The following VIT variants were observed in gnomAD, a reference collection of about 807,000 sequenced individuals.
VIT encodes the protein vitrin.
Under a neutral mutation model 78.0 loss-of-function variants are expected in VIT, and 99 were observed. That is an observed-to-expected ratio of 1.27 (90% CI 1.08 to 1.50). The LOEUF is 1.50. VIT is among the 40% of genes most tolerant of loss of function. The pLI is 0.00. For synonymous variants in VIT, 374 were observed against 334.3 expected (o/e 1.12, Z -1.29); for missense variants, 1,126 against 875.3 (o/e 1.29, Z -3.61).
intron 3 of VIT, among the ~76,000 whole-genome samples, chr2:36,737,450 C>T (rs950985972): frequency 6.6e-6 from 1 of 152,160 alleles, no homozygotes; most frequent in Non-Finnish European, 1.5e-5. Context: ...GAGATAAACA[C>T]GATATTCTCC....
intron 12 of VIT, among the ~76,000 whole-genome samples, chr2:36,801,024 C>T (rs375552393): frequency 4.6e-5 from 7 of 152,154 alleles, no homozygotes; most frequent in South Asian, 2.1e-4. Context: ...GGTGTTATAA[C>T]GATGTTTTCA....
intron 12 of VIT, among the ~76,000 whole-genome samples, chr2:36,800,372 A>G (rs371743688): frequency 6.6e-6 from 1 of 152,286 alleles, no homozygotes. Context: ...AAAAGAAAAC[A>G]GTAACCTCTA....
intron 13 of VIT, among the ~76,000 whole-genome samples, chr2:36,801,799 G>C (rs143246714): frequency 7.3e-5 from 11 of 149,662 alleles, no homozygotes; most frequent in African/African-American, 2.5e-4. Flanking sequence ...AAAGGACAAA[G>C]AAATTACTCC....
rs776695801 is a variant in VIT at position 36,787,138 on chromosome 2, T to C, written c.920T>C (p.Ile307Thr). The change falls in exon 12 of 16, where the codon ATT becomes ACT. Residue 307 changes from isoleucine to threonine, a missense_variant. By Grantham distance (89) the Ile-to-Thr change is moderately conservative. Coordinates refer to ENST00000379242, the MANE Select transcript of VIT (RefSeq NM_053276.4). Reference sequence around the variant, plus strand: ...TTTTTCCGTTCCGCAGACTGCAAAATTGACTTGTCGTTTTTAATTGATGGG... The same window carrying C: ...TTTTTCCGTTCCGCAGACTGCAAAACTGACTTGTCGTTTTTAATTGATGGG... Reference protein sequence around the residue: ...PVSLGDPNCKIDLSFLIDGST... With the variant: ...PVSLGDPNCKTDLSFLIDGST... 8.7e-6 allele frequency: 14 copies of C among 1,614,078 alleles called. No individual in the cohort carries two copies. Among genetic ancestry groups the C allele is most frequent in the East Asian group, 6.7e-5 (3 of 44,902 alleles).
intron 15 of VIT, among the ~76,000 whole-genome samples, chr2:36,810,158 G>T (rs1667050772): frequency 6.6e-6 from 1 of 152,156 alleles, no homozygotes; most frequent in African/African-American, 2.4e-5. Flanking sequence ...AGGCAAGGAG[G>T]CACACGCCTG....
At chr2:36,703,004 C>G (rs1443494616) in intron 1 of VIT, among the ~76,000 whole-genome samples, 3 of 152,202 alleles carry the variant, frequency 2.0e-5, no homozygotes, top group Non-Finnish European at 4.4e-5. Flanking sequence ...CAGGCTGACT[C>G]TGTCACACAG....
chr2:36,750,318 C>A (rs939685036), intron 4 of VIT, among the ~76,000 whole-genome samples: 3 of 152,234 alleles, frequency 2.0e-5, no homozygotes, highest in Admixed American at 1.3e-4. Flanking sequence ...CAGTCTGTGT[C>A]TTTGTACACA....
chr2:36,738,737 G>C (rs1667656997), intron 3 of VIT, among the ~76,000 whole-genome samples: 1 of 152,232 alleles, frequency 6.6e-6, no homozygotes, highest in Non-Finnish European at 1.5e-5. Flanking sequence ...TTCAAGCTAA[G>C]TGTGCGAGAC....
At position 36,805,603 on chromosome 2, in the gene VIT, C is replaced by G. The variant is rs1454017604; in HGVS notation, c.1328C>G (p.Thr443Ser). 2 of 1,614,016 alleles carry G rather than the reference C, an allele frequency of 1.2e-6. No individual in the cohort carries two copies. The highest frequency in any genetic ancestry group is 2.7e-5 in the African/African-American group (2 of 74,908). Residue 443 changes from threonine (T) to serine (S), a missense_variant, in exon 14 of 16, where the codon ACC becomes AGC. Coordinates refer to ENST00000379242, the MANE Select transcript of VIT (RefSeq NM_053276.4). ...RESGINIFFI[T>S]IEGAAENEKQ... ...TCAGGAATCAACATTTTCTTCATCA[C>G]CATTGAAGGTGCTGCTGAAAATGAG...
intron 4 of VIT, among the ~76,000 whole-genome samples, chr2:36,744,997 T>C (rs2148521608): frequency 6.6e-6 from 1 of 152,130 alleles, no homozygotes; most frequent in South Asian, 2.1e-4. Context: ...TTTGTATATG[T>C]TGATAGGGAG....
intron 1 of VIT, among the ~76,000 whole-genome samples, chr2:36,711,405 A>G (rs1484652872): frequency 6.6e-6 from 1 of 152,212 alleles, no homozygotes; most frequent in East Asian, 1.9e-4. Context: ...TCTTAACAAG[A>G]TGCAACCTGC....
Position 36,756,906 on chromosome 2 carries a change from T to C in VIT, c.409+1852T>C, listed in dbSNP as rs553062390. Among the ~76,000 whole-genome samples, 15 of 152,368 alleles carry C rather than the reference T, an allele frequency of 9.8e-5. No homozygotes were observed. In the East Asian group the frequency reaches 2.7e-3, roughly 27 times the overall value. ...AGGTTTAAAAGAAAAATTAATTCTA[T>C]GGCAGTAGAGATGTTTTGGGCTTTT... On this transcript the variant is annotated intron_variant, in intron 5 of 15. Transcript: ENST00000379242.
chr2:36,797,426 G>A (rs1312190305), intron 12 of VIT, among the ~76,000 whole-genome samples: 1 of 152,192 alleles, frequency 6.6e-6, no homozygotes, highest in African/African-American at 2.4e-5. Context: ...AGAAATGTGA[G>A]AGATATTTAG....
intron 15 of VIT, among the ~76,000 whole-genome samples, chr2:36,811,569 C>T (rs1023633539): frequency 1.3e-5 from 2 of 152,170 alleles, no homozygotes; most frequent in African/African-American, 4.8e-5. Context: ...CAAGTCAAGG[C>T]TGGGTGACCA....
At chr2:36,764,820 T>C (rs1189262601) in intron 6 of VIT, among the ~76,000 whole-genome samples, 1 of 152,062 alleles carries the variant, frequency 6.6e-6, no homozygotes, top group African/African-American at 2.4e-5. Context: ...ACACATTTGT[T>C]TGCATCACTT....
chr2:36,796,175 G>A (rs1317679062), intron 12 of VIT, among the ~76,000 whole-genome samples: 2 of 151,112 alleles, frequency 1.3e-5, no homozygotes, highest in Non-Finnish European at 2.9e-5. Context: ...AGAAATTTAT[G>A]GTCATGTTAT....
At chr2:36,781,109 T>A (rs142712803) in intron 9 of VIT, among the ~76,000 whole-genome samples, 1 of 152,280 alleles carries the variant, frequency 6.6e-6, no homozygotes, top group Non-Finnish European at 1.5e-5. Context: ...AGTCACACAG[T>A]GAGAAGCAGA....
In VIT at chr2:36,746,236, A is replaced by G. The variant is rs1572462840; in HGVS notation, c.275+2980A>G. On this transcript the variant is annotated intron_variant, in intron 4 of 15. Transcript: ENST00000379242. ...CACTCTGTTGAGGATTTTTGCATCT[A>G]TGTTCATCAGAGATATTGGTCTGTA... is the stretch of plus-strand genomic sequence containing the variant. Among the ~76,000 whole-genome samples, 3 of 152,084 alleles carry G rather than the reference A, an allele frequency of 2.0e-5. No homozygotes were observed. The East Asian group carries it at 5.8e-4, about 29-fold the overall frequency.
In VIT at chr2:36,802,245, A is replaced by G. The variant is rs184874872; in HGVS notation, c.1162+841A>G. On this transcript the variant is annotated intron_variant, in intron 13 of 15. Coordinates refer to ENST00000379242, the MANE Select transcript of VIT (RefSeq NM_053276.4). ...AAACAGTTTCACACTAACCAAGCTC[A>G]AAGACTGTCAAAGAGCCCATGCCAG... 7.4e-4 allele frequency among the ~76,000 whole-genome samples: 112 copies of G among 152,342 alleles called. 1 individual carries two copies. The highest frequency in any genetic ancestry group is 1.2e-3 in the Admixed American group (18 of 15,308).
Sources: gnomAD v4.1 joint callset for allele counts (sites outside exome capture counted in the v4.1 genomes callset) on GRCh38, gnomAD v4.1.1 for gene constraint, MANE v1.5 for transcripts, NCBI Gene and HGNC (gene_info 2026-07-23, HGNC 2026-07-21) for gene names.